Variants in SLIT3 observed in about 807,000 individuals in gnomAD.
SLIT3 encodes the protein slit homolog 3 protein.
In SLIT3, 68 loss-of-function variants were observed where a neutral mutation model predicts 184.0. The ratio of observed to expected loss-of-function variants is 0.37; its 90% CI spans 0.30 to 0.45. SLIT3 has a LOEUF of 0.45. SLIT3 is among the 20% of genes least tolerant of loss of function. The pLI, the probability that SLIT3 is intolerant of heterozygous loss-of-function variation, is 1.00. For synonymous variants in SLIT3, 831 were observed against 828.6 expected (o/e 1.00, Z -0.05); for missense variants, 1,707 against 2,026.0 (o/e 0.84, Z 3.02).
At chr5:168,760,225 C>T (rs772204313) in intron 16 of SLIT3, among the ~76,000 whole-genome samples, 5 of 152,206 alleles carry the variant, frequency 3.3e-5, no homozygotes, top group Non-Finnish European at 5.9e-5. Flanking sequence ...AAGGACTCTA[C>T]TGGTGCACCA....
At chr5:168,696,240 A>T in intron 28 of SLIT3, 52 bp downstream of exon 28, 1 of 1,606,408 alleles carries the variant, frequency 6.2e-7, no homozygotes, top group East Asian at 2.2e-5. Flanking sequence ...AGAAAATGGT[A>T]TTCTAGCGAC....
At chr5:169,127,522 A>C (rs1359740037) in intron 4 of SLIT3, among the ~76,000 whole-genome samples, 1 of 152,220 alleles carries the variant, frequency 6.6e-6, no homozygotes, top group Non-Finnish European at 1.5e-5. Flanking sequence ...CCGGAAGAAG[A>C]TAGTCAGCAT....
At chr5:169,207,384 CA>C (rs1764110057) in intron 3 of SLIT3, among the ~76,000 whole-genome samples, 1 of 149,608 alleles carries the variant, frequency 6.7e-6, no homozygotes, top group South Asian at 2.1e-4. Flanking sequence ...CACACACACA[CA>C]CACACACACA....
chr5:168,713,861 C>A (rs1446389887), intron 23 of SLIT3, among the ~76,000 whole-genome samples: 1 of 152,188 alleles, frequency 6.6e-6, no homozygotes, highest in African/African-American at 2.4e-5. Context: ...GCATTTCTGA[C>A]AAACTCTGAG....
At chr5:169,158,856 A>C (rs1762387779) in intron 4 of SLIT3, among the ~76,000 whole-genome samples, 1 of 152,246 alleles carries the variant, frequency 6.6e-6, no homozygotes, top group Non-Finnish European at 1.5e-5. Flanking sequence ...TGGAATTCTA[A>C]AAAATGTTCT....
chr5:169,251,244 C>T (rs1421764), intron 2 of SLIT3, 144 bp downstream of exon 2: 36,514 of 651,272 alleles, frequency 0.056, 2,606 homozygotes, highest in African/African-American at 0.19. Flanking sequence ...CATGTGGGTA[C>T]GCTAACGAGG....
At chr5:168,704,015 C>T (rs547960529) in intron 26 of SLIT3, among the ~76,000 whole-genome samples, 7 of 149,376 alleles carry the variant, frequency 4.7e-5, no homozygotes, top group East Asian at 2.0e-4. Context: ...TTTCTGAGAT[C>T]GCACGAGGAA....
chr5:168,911,936 C>G lies in SLIT3; in HGVS notation c.414-28600G>C, dbSNP rs183742330. 3.3e-4 allele frequency among the ~76,000 whole-genome samples: 50 copies of G among 152,320 alleles called. No individual in the cohort carries two copies. In the East Asian group the frequency reaches 5.8e-3, roughly 18 times the overall value. ...TATTTTTTGCATTGACTTTCACTTACACAACAATCCACTGCCATGTATGAA... is the reference window on the plus strand; with the variant it reads ...TATTTTTTGCATTGACTTTCACTTAGACAACAATCCACTGCCATGTATGAA... On this transcript the variant is annotated intron_variant, in intron 4 of 35. Transcript: ENST00000519560.
chr5:168,922,456 C>CAA (rs34132541), intron 4 of SLIT3, among the ~76,000 whole-genome samples: 26,914 of 81,798 alleles, frequency 0.33, 4,130 homozygotes, highest in East Asian at 0.44. Flanking sequence ...GACTCTGTCT[C>CAA]AAAAAAAAAA....
chr5:168,727,866 T>C (rs1227781698), intron 20 of SLIT3, among the ~76,000 whole-genome samples: 5 of 152,128 alleles, frequency 3.3e-5, no homozygotes, highest in Non-Finnish European at 7.4e-5. Context: ...TGTTGGGCCA[T>C]AATTCACACA....
intron 14 of SLIT3, among the ~76,000 whole-genome samples, chr5:168,769,903 T>C (rs1755484911): frequency 6.6e-6 from 1 of 152,224 alleles, no homozygotes; most frequent in South Asian, 2.1e-4. Flanking sequence ...CCTCAATTTA[T>C]CCATCTCTAG....
chr5:168,854,873 A>G (rs1758806055), intron 5 of SLIT3, among the ~76,000 whole-genome samples: 2 of 152,190 alleles, frequency 1.3e-5, no homozygotes, highest in African/African-American at 4.8e-5. Flanking sequence ...TTGCAAGCTC[A>G]GTGTTCGGGG....
chr5:169,219,567 G>A (rs895134637), intron 3 of SLIT3, among the ~76,000 whole-genome samples: 2 of 152,126 alleles, frequency 1.3e-5, no homozygotes, highest in Admixed American at 1.3e-4. Context: ...TGGGTGGGGA[G>A]CTATCTGAGC....
At chr5:169,189,177 C>T (rs1390512819) in intron 4 of SLIT3, among the ~76,000 whole-genome samples, 10 of 152,074 alleles carry the variant, frequency 6.6e-5, no homozygotes, top group African/African-American at 9.7e-5. Context: ...ACACATGAGT[C>T]GGATGGCACT....
chr5:168,980,635 G>T (rs1754916132), intron 4 of SLIT3, among the ~76,000 whole-genome samples: 1 of 152,182 alleles, frequency 6.6e-6, no homozygotes, highest in African/African-American at 2.4e-5. Context: ...AATATTGCAT[G>T]CCCTTTGATC....
chr5:168,834,241 G>A (rs180671663), intron 6 of SLIT3, among the ~76,000 whole-genome samples: 1 of 152,300 alleles, frequency 6.6e-6, no homozygotes, highest in Admixed American at 6.5e-5. Flanking sequence ...CTTTGTGGAA[G>A]TCATTTGCAA....
chr5:168,730,012 G>A (rs1267101945), intron 20 of SLIT3, among the ~76,000 whole-genome samples: 1 of 151,922 alleles, frequency 6.6e-6, no homozygotes, highest in African/African-American at 2.4e-5. Context: ...TAGACTGAAA[G>A]TAAAGGGGTT....
intron 1 of SLIT3, among the ~76,000 whole-genome samples, chr5:169,288,170 G>A (rs540482085): frequency 8.5e-5 from 13 of 152,268 alleles, no homozygotes; most frequent in Non-Finnish European, 7.4e-5. Flanking sequence ...ATCTCCTCAT[G>A]GCCTCAAATG....
At chr5:168,776,348 G>A (rs532930321) in intron 12 of SLIT3, among the ~76,000 whole-genome samples, 1 of 152,314 alleles carries the variant, frequency 6.6e-6, no homozygotes, top group East Asian at 1.9e-4. Context: ...GGTCCCAAGG[G>A]TTCACACAGA....
Sources: gnomAD v4.1 joint callset for allele counts (sites outside exome capture counted in the v4.1 genomes callset) on GRCh38, gnomAD v4.1.1 for gene constraint, MANE v1.5 for transcripts, NCBI Gene and HGNC (gene_info 2026-07-23, HGNC 2026-07-21) for gene names.